Variants in METTL8 observed in about 807,000 individuals in gnomAD.
METTL8 encodes methyltransferase 8, tRNA N3-cytidine.
In METTL8, 32 loss-of-function variants were observed where a neutral mutation model predicts 48.7. That is an observed-to-expected ratio of 0.66 (90% CI 0.50 to 0.88). The LOEUF (loss-of-function observed/expected upper bound fraction) is 0.88. METTL8 is among the 40% of genes least tolerant of loss of function. The pLI is 0.00. For synonymous variants in METTL8, 136 were observed against 157.1 expected (o/e 0.87, Z 1.01); for missense variants, 464 against 474.4 (o/e 0.98, Z 0.20).
chr2:171,328,063 G>T (rs529018895), intron 7 of METTL8, among the ~76,000 whole-genome samples: 4 of 152,240 alleles, frequency 2.6e-5, no homozygotes, highest in African/African-American at 9.6e-5. Context: ...ATCTCATCTT[G>T]GTTCATAGTG....
At position 171,406,422 on chromosome 2, in the gene METTL8, T is replaced by C. The variant is rs144935229; in HGVS notation, c.-12-14225A>G. ...GACTAGGTTGCTTAAACAACAGAAATTTTATTTTCTCACAGGTCTGGAGGC... is the reference window on the plus strand; with the variant it reads ...GACTAGGTTGCTTAAACAACAGAAACTTTATTTTCTCACAGGTCTGGAGGC... On this transcript the variant is annotated intron_variant, in intron 1 of 9. Transcript: ENST00000375258. Among the ~76,000 whole-genome samples the C allele has an allele frequency of 9.7e-4, 147 of 152,264 alleles. No individual in the cohort carries two copies. In the Middle Eastern group the frequency reaches 0.01, roughly 11 times the overall value.
Position 171,342,092 on chromosome 2 carries a change from G to A in METTL8, c.236-2538C>T, listed in dbSNP as rs559934147. 2.0e-5 allele frequency among the ~76,000 whole-genome samples: 3 copies of A among 152,358 alleles called. No individual in the cohort carries two copies. In the South Asian group the frequency reaches 6.2e-4, roughly 32 times the overall value. ...AATTTTAAAGAAGCCCCTACTCTCA[G>A]AACAAGCAGTTGCCTGTAATCAGGT... On this transcript the variant is annotated intron_variant, in intron 3 of 9. Coordinates refer to ENST00000375258, the MANE Select transcript of METTL8 (RefSeq NM_001321154.2).
intron 1 of METTL8, among the ~76,000 whole-genome samples, chr2:171,433,558 C>G (rs1037600356): frequency 6.6e-6 from 1 of 152,118 alleles, no homozygotes; most frequent in African/African-American, 2.4e-5. Context: ...ACAGGCAGGG[C>G]TAGTTAACAA....
intron 1 of METTL8, among the ~76,000 whole-genome samples, chr2:171,393,905 G>A (rs1574113303): frequency 6.6e-6 from 1 of 152,110 alleles, no homozygotes; most frequent in Admixed American, 6.5e-5. Context: ...GAAAAAAAAA[G>A]TGGGGGCATA....
chr2:171,415,546 T>C (rs1256897910), intron 1 of METTL8, among the ~76,000 whole-genome samples: 1 of 151,906 alleles, frequency 6.6e-6, no homozygotes, highest in African/African-American at 2.4e-5. Context: ...CAGGTGGGGT[T>C]TCACCATGTT....
intron 1 of METTL8, among the ~76,000 whole-genome samples, chr2:171,424,513 C>T (rs1692202291): frequency 6.6e-6 from 1 of 152,202 alleles, no homozygotes. Context: ...CTTGTATCAG[C>T]ATGCCCTGGA....
Position 171,431,994 on chromosome 2 carries a change from C to T in METTL8, c.-13+1889G>A, listed in dbSNP as rs114429527. Among the ~76,000 whole-genome samples, 1,415 of 152,306 alleles carry T rather than the reference C, an allele frequency of 9.3e-3. 25 individuals are homozygous for T. Among genetic ancestry groups the T allele is most frequent in the African/African-American group, 0.033 (1,359 of 41,558 alleles). On this transcript the variant is annotated intron_variant, in intron 1 of 9. Transcript: ENST00000375258. ...CGGTGCACGGAGCCAGCTCCTGTGC[C>T]GGCACTTGGAGCAACCAGCTGGATA...
intron 1 of METTL8, among the ~76,000 whole-genome samples, chr2:171,426,129 C>G (rs1177314663): frequency 6.6e-6 from 1 of 152,102 alleles, no homozygotes; most frequent in Admixed American, 6.6e-5. Flanking sequence ...TGCACTCCAG[C>G]CTGGGCAATA....
rs1478272492 is a variant in METTL8, at chr2:171,326,078, C to T, written c.931G>A (p.Gly311Arg). ...PGGMLLFRDY[G>R]RYDKTQLRFK... is the part of the protein sequence containing the mutation. ...CGAAGCTGAGTCTTATCATATCTTCCATAGTCTCGAAATAACAGCATTCCC... is the reference window on the plus strand; with the variant it reads ...CGAAGCTGAGTCTTATCATATCTTCTATAGTCTCGAAATAACAGCATTCCC... The change falls in exon 8 of 10, where the codon GGA becomes AGA. Residue 311 changes from glycine (G) to arginine (R), a missense_variant. Gly to Arg is a moderately radical substitution (Grantham distance 125). Coordinates refer to ENST00000375258, the MANE Select transcript of METTL8 (RefSeq NM_001321154.2). 1.3e-6 allele frequency: 2 copies of T among 1,549,030 alleles called. No individual in the cohort carries two copies. The highest frequency in any genetic ancestry group is 2.0e-5 in the Admixed American group (1 of 50,942).
At chr2:171,434,609 G>A, upstream of METTL8, 1 of 1,528,992 alleles carries the variant, frequency 6.5e-7, no homozygotes, top group Non-Finnish European at 8.7e-7. Context: ...AACGTGTGCA[G>A]CCGGCTGAGT....
intron 7 of METTL8, among the ~76,000 whole-genome samples, chr2:171,327,658 C>T (rs555986805): frequency 1.3e-5 from 2 of 151,874 alleles, no homozygotes; most frequent in Non-Finnish European, 2.9e-5. Flanking sequence ...AACTATAAAA[C>T]AAGAAAGAAG....
intron 3 of METTL8, among the ~76,000 whole-genome samples, chr2:171,340,579 A>T (rs1001266711): frequency 2.0e-5 from 3 of 152,030 alleles, no homozygotes; most frequent in Admixed American, 6.6e-5. Context: ...AAATAAACAA[A>T]TAAAAGAAAG....
chr2:171,352,172 G>T (rs151150911), intron 3 of METTL8, among the ~76,000 whole-genome samples: 114 of 152,248 alleles, frequency 7.5e-4, no homozygotes, highest in African/African-American at 2.7e-3. Context: ...TAGCAAGAAG[G>T]GCTGTTGAAT....
intron 1 of METTL8, among the ~76,000 whole-genome samples, chr2:171,395,712 T>C (rs1688997564): frequency 6.6e-6 from 1 of 152,198 alleles, no homozygotes; most frequent in South Asian, 2.1e-4. Context: ...CAGAACTTTC[T>C]AAAAGGAGAA....
chr2:171,414,497 C>G (rs1691091786), intron 1 of METTL8: 1 of 151,438 alleles, frequency 6.6e-6, no homozygotes, highest in African/African-American at 2.4e-5. Context: ...GAGGCCAAGA[C>G]AGGCAGATCA....
At chr2:171,396,056 GAGGTC>G (rs1689031805) in intron 1 of METTL8, among the ~76,000 whole-genome samples, 1 of 152,088 alleles carries the variant, frequency 6.6e-6, no homozygotes, top group African/African-American at 2.4e-5. Flanking sequence ...CAGATCACCT[GAGGTC>G]AGGAGTTTGA....
chr2:171,376,588 C>T (rs941271075), intron 2 of METTL8, among the ~76,000 whole-genome samples: 8 of 152,082 alleles, frequency 5.3e-5, no homozygotes, highest in African/African-American at 1.9e-4. Context: ...ATAACTCAAT[C>T]CCTTTTATAA....
At chr2:171,424,723 T>C (rs1021635087) in intron 1 of METTL8, among the ~76,000 whole-genome samples, 3 of 152,232 alleles carry the variant, frequency 2.0e-5, no homozygotes, top group Non-Finnish European at 2.9e-5. Context: ...TACAGGCTCA[T>C]AGGCAGAAGG....
rs1366261819 is a variant in METTL8 at position 171,383,763 on chromosome 2, A to T, written c.143+8280T>A. Reference sequence around the variant, plus strand: ...GATCTCTGGGCCATGTCTCAAAAGCATTTTGAAAATCGTTTCCTGTCATCA... The same window carrying T: ...GATCTCTGGGCCATGTCTCAAAAGCTTTTTGAAAATCGTTTCCTGTCATCA... On this transcript the variant is annotated intron_variant, in intron 2 of 9. Coordinates refer to ENST00000375258, the MANE Select transcript of METTL8 (RefSeq NM_001321154.2). Among the ~76,000 whole-genome samples, 70 of 152,268 alleles carry T rather than the reference A, an allele frequency of 4.6e-4. 1 individual carries two copies. Among genetic ancestry groups the T allele is most frequent in the Admixed American group, 4.6e-3 (70 of 15,284 alleles).
Sources: gnomAD v4.1 joint callset for allele counts (sites outside exome capture counted in the v4.1 genomes callset) on GRCh38, gnomAD v4.1.1 for gene constraint, MANE v1.5 for transcripts, NCBI Gene and HGNC (gene_info 2026-07-23, HGNC 2026-07-21) for gene names.